Variants in CHRM5 observed in about 807,000 individuals in gnomAD.
CHRM5 encodes the protein muscarinic acetylcholine receptor M5.
Under a neutral mutation model 39.0 loss-of-function variants are expected in CHRM5, and 18 were observed. That is an observed-to-expected ratio of 0.46 (90% CI 0.32 to 0.68). The LOEUF (loss-of-function observed/expected upper bound fraction) is 0.68. CHRM5 is among the 30% of genes least tolerant of loss of function. CHRM5 has a pLI of 0.04. For missense variants in CHRM5, 515 were observed against 651.1 expected (o/e 0.79, Z 2.28); for synonymous variants, 241 against 246.3 (o/e 0.98, Z 0.20).
intron 1 of CHRM5, among the ~76,000 whole-genome samples, chr15:34,015,481 C>CA (rs1567468243): frequency 6.8e-6 from 1 of 146,360 alleles, no homozygotes; most frequent in Non-Finnish European, 1.5e-5. Flanking sequence ...GACTCCATCT[C>CA]AAAAAATAAA....
intron 1 of CHRM5, among the ~76,000 whole-genome samples, chr15:34,009,609 T>C (rs1030074932): frequency 3.3e-5 from 5 of 152,134 alleles, no homozygotes; most frequent in African/African-American, 1.2e-4. Flanking sequence ...ACTACATAAA[T>C]ATCAGACAAA....
intron 1 of CHRM5, among the ~76,000 whole-genome samples, chr15:34,041,563 C>A (rs1899478136): frequency 6.6e-6 from 1 of 152,122 alleles, no homozygotes; most frequent in Admixed American, 6.5e-5. Context: ...GTTATTAGGG[C>A]ACATTCACTA....
At chr15:33,983,215 C>CATAT (rs148035145) in intron 1 of CHRM5, among the ~76,000 whole-genome samples, 79,278 of 110,724 alleles carry the variant, frequency 0.72, 27,073 homozygotes, top group Non-Finnish European at 0.8. Flanking sequence ...TATATATATA[C>CATAT]ATATATATAC....
intron 1 of CHRM5, among the ~76,000 whole-genome samples, chr15:33,992,642 C>T (rs930809527): frequency 7.5e-6 from 1 of 133,252 alleles, no homozygotes; most frequent in Non-Finnish European, 1.6e-5. Context: ...TATATTGGCA[C>T]AAACTATATA....
intron 1 of CHRM5, among the ~76,000 whole-genome samples, chr15:34,040,071 G>A (rs534312087): frequency 1.2e-3 from 186 of 152,192 alleles, no homozygotes; most frequent in African/African-American, 4.3e-3. Context: ...GTACTTTCTG[G>A]TTCTTTCCTA....
intron 2 of CHRM5, 73 bp from the exon 3 acceptor site, chr15:34,062,570 A>C (rs1900373733): frequency 1.4e-6 from 1 of 691,586 alleles, no homozygotes; most frequent in Non-Finnish European, 2.3e-6. Flanking sequence ...AAAAAAAAAA[A>C]AAAACTATAA....
At position 34,038,902 on chromosome 15, in the gene CHRM5, C is replaced by T; in HGVS notation, c.-407-7638C>T. 1.8e-6 allele frequency: 2 copies of T among 1,125,618 alleles called. No individual in the cohort carries two copies. Among genetic ancestry groups the T allele is most frequent in the Non-Finnish European group, 2.2e-6 (2 of 924,900 alleles). The allele number at this position is 1,125,618 out of a possible 1,614,324, so 69.7% of individuals were successfully genotyped here. A position where few individuals can be genotyped will look rare whatever the true frequency, so the allele number is the denominator to read the frequency against. Reference sequence around the variant, plus strand: ...CGGCCACGGCCACGGCCCCGGCGTCCGCCTCCGTCCCCGCCGCCGCCTCCG... The same window carrying T: ...CGGCCACGGCCACGGCCCCGGCGTCTGCCTCCGTCCCCGCCGCCGCCTCCG... On this transcript the variant is annotated intron_variant, in intron 1 of 2. Coordinates refer to ENST00000383263, the MANE Select transcript of CHRM5 (RefSeq NM_012125.4).
At chr15:34,028,829 C>T (rs1567476837) in intron 1 of CHRM5, among the ~76,000 whole-genome samples, 1 of 151,694 alleles carries the variant, frequency 6.6e-6, no homozygotes, top group Non-Finnish European at 1.5e-5. Context: ...GACTGCAAAA[C>T]ACACCACCAT....
intron 2 of CHRM5, among the ~76,000 whole-genome samples, chr15:34,059,907 A>C (rs777342492): frequency 1.2e-4 from 19 of 152,240 alleles, no homozygotes; most frequent in Non-Finnish European, 2.9e-5. Flanking sequence ...GAGCAGAGAC[A>C]TTAGCCTATT....
At chr15:34,006,331 T>C (rs1219769947) in intron 1 of CHRM5, among the ~76,000 whole-genome samples, 5 of 150,904 alleles carry the variant, frequency 3.3e-5, no homozygotes, top group South Asian at 2.1e-4. Context: ...AAAACAGCCT[T>C]GTAACTGATG....
chr15:34,038,660 C>A, intron 1 of CHRM5: 1 of 980,618 alleles, frequency 1.0e-6, no homozygotes, highest in South Asian at 5.0e-5. Flanking sequence ...GCGCAGGCGC[C>A]GGCGCCGCCG....
intron 1 of CHRM5, among the ~76,000 whole-genome samples, chr15:34,026,890 A>G (rs1898497254): frequency 6.6e-6 from 1 of 152,152 alleles, no homozygotes; most frequent in Non-Finnish European, 1.5e-5. Flanking sequence ...CAAAGACTAG[A>G]ACTGTGGCCT....
At chr15:34,051,028 C>T (rs943505092) in intron 2 of CHRM5, among the ~76,000 whole-genome samples, 6 of 152,144 alleles carry the variant, frequency 3.9e-5, no homozygotes, top group Admixed American at 2.6e-4. Flanking sequence ...AACTCTCCAC[C>T]CCAAAACAAC....
At chr15:34,041,334 G>A (rs760321911) in intron 1 of CHRM5, among the ~76,000 whole-genome samples, 54 of 151,954 alleles carry the variant, frequency 3.6e-4, no homozygotes, top group Admixed American at 1.4e-3. Flanking sequence ...AGGAGCTACC[G>A]ATGTAATTTA....
intron 1 of CHRM5, among the ~76,000 whole-genome samples, chr15:34,016,307 A>G (rs1897909756): frequency 6.6e-6 from 1 of 152,214 alleles, no homozygotes. Flanking sequence ...TGAAGTGCAC[A>G]GTACTATCAG....
At chr15:34,019,147 C>G (rs1898097443) in intron 1 of CHRM5, among the ~76,000 whole-genome samples, 2 of 152,172 alleles carry the variant, frequency 1.3e-5, no homozygotes, top group African/African-American at 4.8e-5. Flanking sequence ...TTCTCCAAGT[C>G]CCCACTCAAC....
intron 1 of CHRM5, chr15:34,038,892 C>T (rs1899310731): frequency 8.8e-7 from 1 of 1,134,042 alleles, no homozygotes; most frequent in South Asian, 4.1e-5. Flanking sequence ...ACGGCCACGG[C>T]CCCGGCGTCC....
At chr15:34,051,476 A>G (rs1489874296) in intron 2 of CHRM5, among the ~76,000 whole-genome samples, 1 of 152,258 alleles carries the variant, frequency 6.6e-6, no homozygotes, top group Non-Finnish European at 1.5e-5. Context: ...GAAGATGACA[A>G]GAAATAACTA....
At chr15:34,032,347 A>C (rs1213568947) in intron 1 of CHRM5, among the ~76,000 whole-genome samples, 2 of 152,174 alleles carry the variant, frequency 1.3e-5, no homozygotes, top group Non-Finnish European at 2.9e-5. Context: ...TTTCTGGAAA[A>C]AAAATAAGAA....
Sources: gnomAD v4.1 joint callset for allele counts (sites outside exome capture counted in the v4.1 genomes callset) on GRCh38, gnomAD v4.1.1 for gene constraint, MANE v1.5 for transcripts, NCBI Gene and HGNC (gene_info 2026-07-23, HGNC 2026-07-21) for gene names.